Variants in ADGRB1 observed in about 807,000 individuals in gnomAD.
The protein encoded by ADGRB1 is adhesion G protein-coupled receptor B1, also known as brain-specific angiogenesis inhibitor 1.
ADGRB1 carries 36 observed loss-of-function variants against 175.7 expected under a neutral mutation model. The observed-to-expected ratio is 0.20, with a 90% CI of 0.16 to 0.27. ADGRB1 has a LOEUF of 0.27. ADGRB1 is among the 10% of genes least tolerant of loss of function. The pLI, the probability that ADGRB1 is intolerant of heterozygous loss-of-function variation, is 1.00. For synonymous variants in ADGRB1, 1,054 were observed against 979.4 expected (o/e 1.08, Z -1.42); for missense variants, 1,731 against 2,255.3 (o/e 0.77, Z 4.71).
intron 24 of ADGRB1, among the ~76,000 whole-genome samples, chr8:142,528,572 C>T (rs1054995666): frequency 2.0e-5 from 3 of 151,980 alleles, no homozygotes; most frequent in East Asian, 1.9e-4. Flanking sequence ...CCCTCGGGCG[C>T]GCCCTCAAGT....
chr8:142,462,199 T>G (rs1211118526), intron 1 of ADGRB1, among the ~76,000 whole-genome samples: 1 of 152,170 alleles, frequency 6.6e-6, no homozygotes, highest in Non-Finnish European at 1.5e-5. Flanking sequence ...TAAAAAAATT[T>G]TCTCTTGGGA....
intron 11 of ADGRB1, among the ~76,000 whole-genome samples, chr8:142,481,958 G>A (rs1034686335): frequency 1.1e-4 from 16 of 142,690 alleles, no homozygotes; most frequent in Non-Finnish European, 2.0e-4. Context: ...CTGGTCATAA[G>A]CTGAGCCCTG....
Position 142,464,088 on chromosome 8 carries a change from C to CACCCA in ADGRB1, c.-111_-110insACCCA. 1 of 844,540 alleles carries CACCCA rather than the reference C, an allele frequency of 1.2e-6. No homozygotes were observed. Among genetic ancestry groups the CACCCA allele is most frequent in the Non-Finnish European group, 1.5e-6 (1 of 652,552 alleles). 52.3% of individuals were successfully genotyped at this position (844,540 alleles called of 1,614,324 possible). On this transcript the variant is annotated 5_prime_UTR_variant, in exon 2 of 31. Transcript: ENST00000517894. ...CTCTCCCATCCCACCCTTGCCCCGCCTCCCTGCCCCCACCGGGCCGGCCCT... is the reference window on the plus strand; with the variant it reads ...CTCTCCCATCCCACCCTTGCCCCGCCACCCATCCCTGCCCCCACCGGGCCGGCCCT...
At chr8:142,524,798 C>T (rs1464279385) in intron 23 of ADGRB1, among the ~76,000 whole-genome samples, 1 of 152,080 alleles carries the variant, frequency 6.6e-6, no homozygotes, top group East Asian at 1.9e-4. Flanking sequence ...CTCCTCCCAC[C>T]TTAGTGTGGA....
chr8:142,470,027 G>A (rs2131729453), intron 2 of ADGRB1, among the ~76,000 whole-genome samples: 1 of 152,354 alleles, frequency 6.6e-6, no homozygotes, highest in African/African-American at 2.4e-5. Context: ...AGGCAGCCCA[G>A]GCCAGCCCGT....
rs373432644 is a variant in ADGRB1, at chr8:142,521,215, G to A, written c.3024+290G>A. Among the ~76,000 whole-genome samples, 24 of 152,298 alleles carry A rather than the reference G, an allele frequency of 1.6e-4. No homozygotes were observed. In the East Asian group the frequency reaches 3.5e-3, roughly 22 times the overall value. The stretch of plus-strand genomic sequence containing the variant: ...CCCTGCCCATCCCGCTGTGGGCAGT[G>A]GACTCGGCCTCAGCTCAAGCTGCCT... On this transcript the variant is annotated intron_variant, in intron 20 of 30. Coordinates refer to ENST00000517894, the MANE Select transcript of ADGRB1 (RefSeq NM_001702.3).
intron 17 of ADGRB1, among the ~76,000 whole-genome samples, chr8:142,500,366 T>C (rs62513275): frequency 0.2 from 446 of 2,284 alleles, 140 homozygotes; most frequent in South Asian, 0.6. Context: ...CCCCGCGCCT[T>C]TCCTCCCCTG....
chr8:142,487,605 C>G (rs1241064468), intron 13 of ADGRB1, among the ~76,000 whole-genome samples: 1 of 152,216 alleles, frequency 6.6e-6, no homozygotes, highest in Non-Finnish European at 1.5e-5. Flanking sequence ...GGCCACGGCC[C>G]CAGGGCCAGG....
rs1840913295 is a variant in ADGRB1, at chr8:142,475,559, C to G, written c.870C>G (p.Pro290=). 3 of 1,276,690 alleles carry G rather than the reference C, an allele frequency of 2.3e-6. No individual in the cohort carries two copies. Among genetic ancestry groups the G allele is most frequent in the Non-Finnish European group, 2.0e-6 (2 of 1,011,910 alleles). The allele number at this position is 1,276,690 out of a possible 1,614,324, so 79.1% of individuals were successfully genotyped here. The change falls in exon 3 of 31, where the codon CCC becomes CCG. Residue 290 remains proline (P), a synonymous_variant. Transcript: ENST00000517894. The part of the protein sequence containing the change: ...GLQTRTRTCL[P]APGVEGGGCE... Reference sequence around the variant, plus strand: ...AGACGCGGACGCGCACCTGCCTGCCCGCGCCGGGCGTGGAGGGCGGCGGCT... The same window carrying G: ...AGACGCGGACGCGCACCTGCCTGCCGGCGCCGGGCGTGGAGGGCGGCGGCT...
intron 17 of ADGRB1, among the ~76,000 whole-genome samples, chr8:142,501,076 G>A (rs1379246342): frequency 1.3e-5 from 2 of 152,206 alleles, no homozygotes; most frequent in South Asian, 2.1e-4. Flanking sequence ...TCAGTTCCAG[G>A]GACAGTGACG....
In ADGRB1 at chr8:142,464,713, A is replaced by G. The variant is rs1256113011; in HGVS notation, c.515A>G (p.Glu172Gly). The G allele has an allele frequency of 3.0e-5, 46 of 1,532,240 alleles. No individual in the cohort carries two copies. The highest frequency in any genetic ancestry group is 3.8e-5 in the Non-Finnish European group (43 of 1,144,922). The allele number at this position is 1,532,240 out of a possible 1,614,324, so 94.9% of individuals were successfully genotyped here. ...PPGPTDDFSVEYLVVGNRNPS... is the reference protein window; with the variant it reads ...PPGPTDDFSVGYLVVGNRNPS... ...GGCCCCACCGACGACTTCTCCGTGGAGTACCTGGTGGTGGGGAACCGCAAC... is the reference window on the plus strand; with the variant it reads ...GGCCCCACCGACGACTTCTCCGTGGGGTACCTGGTGGTGGGGAACCGCAAC... Residue 172 changes from glutamate to glycine, a missense_variant, in exon 2 of 31, where the codon GAG becomes GGG. This residue lies in a region of ADGRB1 where 383 missense variants were observed against 383.1 expected (regional missense o/e 1.00). Transcript: ENST00000517894.
At chr8:142,496,726 G>A (rs553175751) in intron 17 of ADGRB1, among the ~76,000 whole-genome samples, 1 of 152,294 alleles carries the variant, frequency 6.6e-6, no homozygotes, top group African/African-American at 2.4e-5. Flanking sequence ...CCCAGAGCGG[G>A]GATGTTAGTA....
intron 24 of ADGRB1, among the ~76,000 whole-genome samples, chr8:142,529,474 T>C (rs982805327): frequency 2.0e-5 from 3 of 152,182 alleles, no homozygotes; most frequent in African/African-American, 4.8e-5. Flanking sequence ...CTGCCGCCAG[T>C]GCCACCTCTG....
intron 18 of ADGRB1, among the ~76,000 whole-genome samples, chr8:142,512,879 C>T (rs893638789): frequency 6.6e-6 from 1 of 152,112 alleles, no homozygotes; most frequent in Middle Eastern, 3.2e-3. Flanking sequence ...GCAGCAGGGG[C>T]CTTGATGCTG....
intron 2 of ADGRB1, among the ~76,000 whole-genome samples, chr8:142,465,794 C>G (rs1051634674): frequency 6.6e-6 from 1 of 152,110 alleles, no homozygotes; most frequent in Non-Finnish European, 1.5e-5. Flanking sequence ...CAAAGCTCTG[C>G]GAGAGGTGGG....
At position 142,477,267 on chromosome 8, in the gene ADGRB1, C is replaced by T. The variant is rs755634176; in HGVS notation, c.1211C>T (p.Ala404Val). 7.0e-6 allele frequency: 11 copies of T among 1,568,170 alleles called. No individual in the cohort carries two copies. In the East Asian group the frequency reaches 2.5e-4, roughly 35 times the overall value. The part of the protein sequence containing the change: ...LREQRLCNNS[A>V]VCPVHGAWDE... ...GAGCAGCGGCTGTGCAACAACTCTG[C>T]CGTGTGCCCAGGTGGGTGGGACCTT... is the stretch of plus-strand genomic sequence containing the variant. Residue 404 changes from alanine to valine, a missense_variant, in exon 5 of 31, where the codon GCC becomes GTC. Physicochemically the swap from Ala to Val is moderately conservative, Grantham distance 64 (BLOSUM62 0). This residue lies in a region of ADGRB1 where 178 missense variants were observed against 227.8 expected (regional missense o/e 0.78). Coordinates refer to ENST00000517894, the MANE Select transcript of ADGRB1 (RefSeq NM_001702.3).
intron 2 of ADGRB1, among the ~76,000 whole-genome samples, chr8:142,470,859 T>C (rs892476999): frequency 6.6e-6 from 1 of 152,026 alleles, no homozygotes; most frequent in Non-Finnish European, 1.5e-5. Context: ...CCACACTCAC[T>C]CTGGAGGCTG....
chr8:142,531,700 C>T (rs944132873), intron 24 of ADGRB1, among the ~76,000 whole-genome samples: 4 of 152,306 alleles, frequency 2.6e-5, no homozygotes, highest in African/African-American at 7.2e-5. Context: ...TGGGCCTGCA[C>T]GTGTCCTAGC....
intron 4 of ADGRB1, 32 bp downstream of exon 4, chr8:142,476,727 A>G: frequency 6.6e-7 from 1 of 1,516,588 alleles, no homozygotes; most frequent in Non-Finnish European, 8.9e-7. Flanking sequence ...GGGTGGGACT[A>G]GGGCTTTGGG....
Sources: gnomAD v4.1 joint callset for allele counts (sites outside exome capture counted in the v4.1 genomes callset) on GRCh38, gnomAD v4.1.1 for gene constraint, gnomAD v4.1.1 regional missense constraint, MANE v1.5 for transcripts, NCBI Gene and HGNC (gene_info 2026-07-23, HGNC 2026-07-21) for gene names.